Variants in DNAH8 observed in about 807,000 individuals in gnomAD.
DNAH8 encodes axonemal beta dynein heavy chain 8.
Under a neutral mutation model 562.1 loss-of-function variants are expected in DNAH8, and 382 were observed. That is an observed-to-expected ratio of 0.68 (90% CI 0.63 to 0.74). DNAH8 has a LOEUF of 0.74. DNAH8 is among the 30% of genes least tolerant of loss of function. The pLI, the probability that DNAH8 is intolerant of heterozygous loss-of-function variation, is 0.00. For synonymous variants in DNAH8, 1,881 were observed against 1,919.4 expected, an observed-to-expected ratio of 0.98 and a Z score of 0.52; for missense variants, 5,203 against 5,620.4, an observed-to-expected ratio of 0.93 and a Z score of 2.37.
At chr6:38,779,236 C>T (rs183502297) in intron 14 of DNAH8, among the ~76,000 whole-genome samples, 10 of 152,196 alleles carry the variant, frequency 6.6e-5, no homozygotes, top group East Asian at 1.9e-4. Flanking sequence ...CATGGTTCCA[C>T]GGCTGTAATG....
chr6:39,012,350 A>T lies in DNAH8; in HGVS notation c.13507A>T (p.Thr4503Ser), dbSNP rs367599642. The T allele has an allele frequency of 6.8e-5, 109 of 1,612,614 alleles. No individual in the cohort carries two copies. The highest frequency in any genetic ancestry group is 8.1e-5 in the Non-Finnish European group (95 of 1,178,920). ...LSDLKLAIEGTIIMSENLRDA... is the reference protein window; with the variant it reads ...LSDLKLAIEGSIIMSENLRDA... ...TGATCTAAAATTGGCCATTGAAGGA[A>T]CAATCATTATGAGTGAGGTGAGCTG... Residue 4503 changes from threonine to serine, a missense_variant, in exon 90 of 93, where the codon ACA becomes TCA. This residue lies in a region of DNAH8 where 1,399 missense variants were observed against 1,518.4 expected (regional missense o/e 0.92). Coordinates refer to ENST00000327475, the MANE Select transcript of DNAH8 (RefSeq NM_001206927.2).
chr6:38,824,530 T>G (rs1421525861), intron 28 of DNAH8, among the ~76,000 whole-genome samples: 3 of 152,194 alleles, frequency 2.0e-5, no homozygotes, highest in African/African-American at 7.2e-5. Context: ...TAACAATCAG[T>G]CTTATCCTAA....
intron 88 of DNAH8, among the ~76,000 whole-genome samples, chr6:38,996,035 C>T (rs892042268): frequency 2.0e-5 from 3 of 152,206 alleles, no homozygotes; most frequent in Non-Finnish European, 4.4e-5. Context: ...GCCAGAGGCT[C>T]CTCTTCACAG....
In DNAH8 at chr6:39,016,114, C is replaced by T. The variant is rs1403604255; in HGVS notation, c.13714+3477C>T. On this transcript the variant is annotated intron_variant, in intron 91 of 92. Coordinates refer to ENST00000327475, the MANE Select transcript of DNAH8 (RefSeq NM_001206927.2). ...AGATAGAGTCCTTTCCCACTGGAAGCCTCGCTGGACACTATTTGACATCAA... is the reference window on the plus strand; with the variant it reads ...AGATAGAGTCCTTTCCCACTGGAAGTCTCGCTGGACACTATTTGACATCAA... Among the ~76,000 whole-genome samples the T allele has an allele frequency of 2.0e-5, 3 of 152,216 alleles. No individual in the cohort carries two copies. In the South Asian group the frequency reaches 6.2e-4, roughly 32 times the overall value.
chr6:38,759,648 C>T (rs1230859277), intron 10 of DNAH8, among the ~76,000 whole-genome samples: 1 of 152,100 alleles, frequency 6.6e-6, no homozygotes, highest in Middle Eastern at 3.2e-3. Flanking sequence ...AGCAAAGAAC[C>T]CTGCTAAGTC....
intron 12 of DNAH8, among the ~76,000 whole-genome samples, chr6:38,771,607 A>G (rs1293625455): frequency 6.6e-6 from 1 of 152,136 alleles, no homozygotes; most frequent in African/African-American, 2.4e-5. Flanking sequence ...CTATAGATGT[A>G]CCTCTTCTGG....
intron 65 of DNAH8, among the ~76,000 whole-genome samples, chr6:38,910,049 A>G (rs558358030): frequency 6.6e-6 from 1 of 152,220 alleles, no homozygotes; most frequent in Non-Finnish European, 1.5e-5. Flanking sequence ...TAACTAATTC[A>G]TCACCAACTG....
intron 92 of DNAH8, 28 bp downstream of exon 92, chr6:39,026,695 C>G: frequency 6.2e-7 from 1 of 1,608,548 alleles, no homozygotes; most frequent in Non-Finnish European, 8.5e-7. Context: ...ATAGCAGGGA[C>G]CATTCTGGAG....
At chr6:38,931,482 G>A (rs1194035538) in intron 75 of DNAH8, 4 of 157,606 alleles carry the variant, frequency 2.5e-5, no homozygotes, top group African/African-American at 9.6e-5. Flanking sequence ...ACAAACAATT[G>A]ATGGGAGTGA....
chr6:38,768,027 GT>G (rs1562711855), intron 11 of DNAH8, among the ~76,000 whole-genome samples: 1 of 152,086 alleles, frequency 6.6e-6, no homozygotes, highest in Non-Finnish European at 1.5e-5. Flanking sequence ...TCTCATTGTT[GT>G]TTTGATTTGC....
At chr6:38,758,094 A>G (rs1766108409) in intron 10 of DNAH8, among the ~76,000 whole-genome samples, 1 of 152,194 alleles carries the variant, frequency 6.6e-6, no homozygotes, top group Admixed American at 6.5e-5. Context: ...TGGGGATGGC[A>G]CTGAATCTAT....
chr6:39,028,716 G>A (rs1291311706), intron 92 of DNAH8, among the ~76,000 whole-genome samples: 2 of 152,206 alleles, frequency 1.3e-5, no homozygotes, highest in African/African-American at 4.8e-5. Flanking sequence ...AAGCACCCTG[G>A]AGAGGGATAC....
chr6:38,998,407 T>C (rs1413955482), intron 88 of DNAH8, among the ~76,000 whole-genome samples: 1 of 152,232 alleles, frequency 6.6e-6, no homozygotes, highest in African/African-American at 2.4e-5. Context: ...TCAAAAATGG[T>C]TGCTTATTTT....
At chr6:38,778,115 A>G (rs1429256954) in intron 13 of DNAH8, among the ~76,000 whole-genome samples, 3 of 152,212 alleles carry the variant, frequency 2.0e-5, no homozygotes. Context: ...AATGAGATAT[A>G]TTGCATTCTC....
At chr6:39,024,355 C>T (rs1767133967) in intron 91 of DNAH8, among the ~76,000 whole-genome samples, 1 of 152,008 alleles carries the variant, frequency 6.6e-6, no homozygotes, top group Non-Finnish European at 1.5e-5. Context: ...TCCACAAAAC[C>T]CTACTAGGAT....
intron 89 of DNAH8, among the ~76,000 whole-genome samples, chr6:39,009,973 A>G (rs1177572427): frequency 6.6e-6 from 1 of 152,178 alleles, no homozygotes; most frequent in Non-Finnish European, 1.5e-5. Flanking sequence ...ACTTGCCTTC[A>G]AAGATTTTTA....
intron 7 of DNAH8, 147 bp from the exon 8 acceptor site, chr6:38,741,564 C>T (rs1419268342): frequency 5.0e-6 from 3 of 604,722 alleles, no homozygotes; most frequent in South Asian, 2.9e-5. Context: ...AAGACATTCT[C>T]CTCTAGTCTT....
intron 76 of DNAH8, 90 bp from the exon 77 acceptor site, chr6:38,935,502 T>C: frequency 1.1e-6 from 1 of 874,436 alleles, no homozygotes. Context: ...CTTTAAACTT[T>C]TAAAATTGTT....
At chr6:38,896,911 G>C (rs1400538197) in intron 60 of DNAH8, among the ~76,000 whole-genome samples, 1 of 152,024 alleles carries the variant, frequency 6.6e-6, no homozygotes. Flanking sequence ...TCAGCCTCCC[G>C]AGTAGCTGGG....
Sources: gnomAD v4.1 joint callset for allele counts (sites outside exome capture counted in the v4.1 genomes callset) on GRCh38, gnomAD v4.1.1 for gene constraint, gnomAD v4.1.1 regional missense constraint, MANE v1.5 for transcripts, NCBI Gene and HGNC (gene_info 2026-07-23, HGNC 2026-07-21) for gene names.